ZCCHC7: variants seen among roughly 807,000 people sequenced by gnomAD.
ZCCHC7 encodes zinc finger CCHC domain-containing protein 7.
A neutral mutation model predicts 52.0 loss-of-function variants in ZCCHC7; 35 were observed. That is an observed-to-expected ratio of 0.67 (90% CI 0.51 to 0.89). The LOEUF (loss-of-function observed/expected upper bound fraction) is 0.89, where lower values mean the gene tolerates loss of function less well. Ranked by LOEUF, ZCCHC7 falls within the 40% of genes least tolerant of loss-of-function variation. The pLI, the probability that ZCCHC7 is intolerant of heterozygous loss-of-function variation, is 0.00. For synonymous variants in ZCCHC7, 217 were observed against 221.5 expected (o/e 0.98, Z 0.18); for missense variants, 574 against 649.1 (o/e 0.88, Z 1.26).
intron 6 of ZCCHC7, among the ~76,000 whole-genome samples, chr9:37,344,119 C>T (rs534802190): frequency 6.6e-6 from 1 of 152,234 alleles, no homozygotes; most frequent in African/African-American, 2.4e-5. Context: ...TCGAGACCAG[C>T]CTCAGCAGCA....
rs754012953 is a variant in ZCCHC7, at chr9:37,305,570, C to T, written c.807C>T (p.Ser269=). The T allele has an allele frequency of 6.2e-7, 1 of 1,613,954 alleles. No homozygotes were observed. Among genetic ancestry groups the T allele is most frequent in the South Asian group, 1.1e-5 (1 of 91,074 alleles). ...AAGTTCGTCGCTGCTTCCTGTGCTC[C>T]AGGAGAGGACATCTCCTGTATTCCT... is the stretch of plus-strand genomic sequence containing the variant. ...PRKVRRCFLC[S]RRGHLLYSCP... is the part of the protein sequence containing the mutation. The change falls in exon 5 of 9, where the codon TCC becomes TCT. Residue 269 remains serine, a synonymous_variant. Coordinates refer to ENST00000336755, the MANE Select transcript of ZCCHC7 (RefSeq NM_032226.3).
intron 5 of ZCCHC7, among the ~76,000 whole-genome samples, chr9:37,308,163 A>T (rs1829420179): frequency 6.6e-6 from 1 of 152,204 alleles, no homozygotes; most frequent in African/African-American, 2.4e-5. Flanking sequence ...TCTCAAGGCT[A>T]TATAGATAGA....
intron 3 of ZCCHC7, among the ~76,000 whole-genome samples, chr9:37,303,748 C>G (rs1258928982): frequency 6.9e-6 from 1 of 144,706 alleles, no homozygotes; most frequent in Non-Finnish European, 1.5e-5. Context: ...ACCACATCCT[C>G]CGCCTCCCAG....
intron 2 of ZCCHC7, among the ~76,000 whole-genome samples, chr9:37,209,574 A>G (rs569409009): frequency 1.3e-5 from 2 of 152,088 alleles, no homozygotes; most frequent in African/African-American, 2.4e-5. Flanking sequence ...ATATGTATGT[A>G]TACACATGTG....
In ZCCHC7 at chr9:37,282,872, CTT is replaced by C. The variant is rs58619243; in HGVS notation, c.611-19295_611-19294del. Among the ~76,000 whole-genome samples, 59 of 78,116 alleles carry C rather than the reference CTT, an allele frequency of 7.6e-4. 1 individual carries two copies. Among genetic ancestry groups the C allele is most frequent in the African/African-American group, 1.8e-3 (37 of 20,256 alleles). 51.2% of individuals were successfully genotyped at this position (78,116 alleles called of 152,430 possible). On this transcript the variant is annotated intron_variant, in intron 2 of 8. Coordinates refer to ENST00000336755, the MANE Select transcript of ZCCHC7 (RefSeq NM_032226.3). ...AGAAAAGAGTCAAGAAGACCTGAAT[CTT>C]TTTTTTTTTTTTTTTTTTTTAATGA...
chr9:37,352,675 C>T (rs949458366), intron 7 of ZCCHC7, among the ~76,000 whole-genome samples: 7 of 147,768 alleles, frequency 4.7e-5, no homozygotes, highest in Non-Finnish European at 1.0e-4. Context: ...TGCCACCACA[C>T]CTGGCTATTT....
At chr9:37,336,350 G>A (rs1193122871) in intron 6 of ZCCHC7, among the ~76,000 whole-genome samples, 1 of 152,078 alleles carries the variant, frequency 6.6e-6, no homozygotes, top group Admixed American at 6.6e-5. Flanking sequence ...CTTGTTTTAA[G>A]ACAAGCAAAG....
At chr9:37,226,548 A>C (rs1231090346) in intron 2 of ZCCHC7, among the ~76,000 whole-genome samples, 1 of 152,234 alleles carries the variant, frequency 6.6e-6, no homozygotes, top group Non-Finnish European at 1.5e-5. Context: ...AAAAGAATCT[A>C]GTAGATTTAC....
At chr9:37,333,769 C>T (rs952813755) in intron 6 of ZCCHC7, 18 of 151,764 alleles carry the variant, frequency 1.2e-4, no homozygotes, top group African/African-American at 4.3e-4. Context: ...CTTGTTTTAA[C>T]ATATATAACA....
At chr9:37,169,273 A>G (rs1297722490) in intron 2 of ZCCHC7, among the ~76,000 whole-genome samples, 4 of 152,350 alleles carry the variant, frequency 2.6e-5, no homozygotes, top group Non-Finnish European at 4.4e-5. Flanking sequence ...GAAGCATTCC[A>G]TTGATGTCAG....
intron 8 of ZCCHC7, among the ~76,000 whole-genome samples, chr9:37,355,441 T>G (rs1393265257): frequency 6.6e-6 from 1 of 152,252 alleles, no homozygotes; most frequent in Non-Finnish European, 1.5e-5. Context: ...CTGTATTTTT[T>G]TAGTTTGTTC....
At chr9:37,174,542 A>G (rs1473451005) in intron 2 of ZCCHC7, among the ~76,000 whole-genome samples, 1 of 152,206 alleles carries the variant, frequency 6.6e-6, no homozygotes, top group Non-Finnish European at 1.5e-5. Context: ...CTAAAACACT[A>G]TTATCTCAAT....
At chr9:37,162,622 T>C (rs7044036) in intron 2 of ZCCHC7, among the ~76,000 whole-genome samples, 7,725 of 152,296 alleles carry the variant, frequency 0.051, 644 homozygotes, top group African/African-American at 0.17. Flanking sequence ...CATTCACTTA[T>C]TGATGGACAT....
In ZCCHC7 at chr9:37,154,550, A is replaced by T. The variant is rs529407745; in HGVS notation, c.610+27608A>T. Among the ~76,000 whole-genome samples the T allele has an allele frequency of 3.3e-5, 5 of 152,268 alleles. No individual in the cohort carries two copies. In the South Asian group the frequency reaches 1.0e-3, roughly 32 times the overall value. On this transcript the variant is annotated intron_variant, in intron 2 of 8. Transcript: ENST00000336755. Reference sequence around the variant, plus strand: ...TAGGTTGGAGTGCAGGGGTGCCATCACAGCTCACTATAGCCCCGACCTCCT... The same window carrying T: ...TAGGTTGGAGTGCAGGGGTGCCATCTCAGCTCACTATAGCCCCGACCTCCT...
In ZCCHC7 at chr9:37,265,656, C is replaced by T. The variant is rs139738711; in HGVS notation, c.611-36532C>T. On this transcript the variant is annotated intron_variant, in intron 2 of 8. Transcript: ENST00000336755. ...CTTACCAAAACATAATCTGTCATCT[C>T]GTTGCTTCTCTAAATTTCTTCCATA... Among the ~76,000 whole-genome samples the T allele has an allele frequency of 3.3e-5, 5 of 152,298 alleles. No individual in the cohort carries two copies. The East Asian group carries it at 9.6e-4, about 29-fold the overall frequency.
intron 2 of ZCCHC7, among the ~76,000 whole-genome samples, chr9:37,283,033 G>A (rs1327515936): frequency 6.6e-6 from 1 of 151,970 alleles, no homozygotes; most frequent in African/African-American, 2.4e-5. Context: ...TTCCTCTTGG[G>A]TTGAGACTTA....
intron 2 of ZCCHC7, among the ~76,000 whole-genome samples, chr9:37,157,826 G>C (rs1164812288): frequency 6.6e-6 from 1 of 152,228 alleles, no homozygotes; most frequent in Non-Finnish European, 1.5e-5. Flanking sequence ...TTGGGAACCT[G>C]TGTACACTGT....
intron 2 of ZCCHC7, chr9:37,205,226 TC>T: frequency 5.2e-6 from 2 of 382,516 alleles, no homozygotes; most frequent in South Asian, 4.9e-5. Context: ...TGTAGACTCT[TC>T]CAGGTTTGCC....
At chr9:37,197,746 T>C (rs1431530126) in intron 2 of ZCCHC7, among the ~76,000 whole-genome samples, 3 of 152,146 alleles carry the variant, frequency 2.0e-5, no homozygotes, top group African/African-American at 7.2e-5. Flanking sequence ...CTGGATTTGA[T>C]GTTTTGTTAA....
Sources: allele counts gnomAD v4.1 joint callset (sites outside exome capture counted in the v4.1 genomes callset), GRCh38; gene constraint gnomAD v4.1.1; transcripts MANE v1.5; gene names NCBI Gene and HGNC (gene_info 2026-07-23, HGNC 2026-07-21).